GLIS3: variants seen among roughly 807,000 people sequenced by gnomAD.
GLIS3 encodes the protein GLIS family zinc finger 3, also known as zinc finger protein GLIS3.
Under a neutral mutation model 78.6 loss-of-function variants are expected in GLIS3, and 53 were observed. That is an observed-to-expected ratio of 0.67 (90% CI 0.54 to 0.85). The LOEUF is 0.85. Ranked by LOEUF, GLIS3 falls within the 40% of genes least tolerant of loss-of-function variation. The pLI is 0.00. For missense variants in GLIS3, 1,703 were observed against 1,231.1 expected, an observed-to-expected ratio of 1.38 and a Z score of -5.74; for synonymous variants, 684 against 509.9, an observed-to-expected ratio of 1.34 and a Z score of -4.60.
At chr9:4,063,397 T>C (rs1416529976) in intron 4 of GLIS3, among the ~76,000 whole-genome samples, 1 of 152,076 alleles carries the variant, frequency 6.6e-6, no homozygotes, top group Non-Finnish European at 1.5e-5. Flanking sequence ...TGAAACCACA[T>C]CCTACCACCA....
At chr9:4,355,245 C>G in the GLIS3 span, among the ~76,000 whole-genome samples, 1 of 152,134 alleles carries the variant, frequency 6.6e-6, no homozygotes, top group Non-Finnish European at 1.5e-5. Context: ...CCAAAGCAAA[C>G]TCTGCCACTT....
chr9:4,152,216 CT>C (rs1834738166), intron 2 of GLIS3: 1 of 638,402 alleles, frequency 1.6e-6, no homozygotes, highest in Non-Finnish European at 2.0e-6. Context: ...AAAGGAAGAA[CT>C]TTCTAGAAAT....
intron 2 of GLIS3, among the ~76,000 whole-genome samples, chr9:4,265,135 G>A (rs565695286): frequency 1.9e-4 from 28 of 144,066 alleles, no homozygotes; most frequent in Non-Finnish European, 2.8e-4. Context: ...TCACGCCACT[G>A]CACTCCAAAC....
intron 2 of GLIS3, among the ~76,000 whole-genome samples, chr9:4,240,831 T>A (rs1823234569): frequency 6.6e-6 from 1 of 152,008 alleles, no homozygotes; most frequent in Non-Finnish European, 1.5e-5. Context: ...GTAACAAACC[T>A]GCACATGTAC....
chr9:3,865,326 C>T (rs975845554), intron 8 of GLIS3, among the ~76,000 whole-genome samples: 3 of 152,158 alleles, frequency 2.0e-5, no homozygotes, highest in Non-Finnish European at 4.4e-5. Flanking sequence ...ACTGTCGCTA[C>T]GTGGGAAAGG....
chr9:3,840,215 T>C (rs1393666115), intron 9 of GLIS3, among the ~76,000 whole-genome samples: 1 of 152,150 alleles, frequency 6.6e-6, no homozygotes, highest in Non-Finnish European at 1.5e-5. Context: ...TATGTAGAGG[T>C]TCTGTGTAAC....
At chr9:4,311,663 C>T (rs181428190) in intron 2 of GLIS3, among the ~76,000 whole-genome samples, 1 of 152,208 alleles carries the variant, frequency 6.6e-6, no homozygotes, top group Admixed American at 6.5e-5. Context: ...TGGCCCTGAC[C>T]CTCCTGCATC....
At chr9:3,904,279 C>A (rs902948749) in intron 6 of GLIS3, among the ~76,000 whole-genome samples, 1 of 152,152 alleles carries the variant, frequency 6.6e-6, no homozygotes, top group African/African-American at 2.4e-5. Context: ...ACAATCTGGG[C>A]AAGACTCATC....
chr9:4,409,838 G>A, the GLIS3 span, among the ~76,000 whole-genome samples: 1 of 152,186 alleles, frequency 6.6e-6, no homozygotes, highest in African/African-American at 2.4e-5. Flanking sequence ...GCTTGTTATT[G>A]GCTAGTTCCA....
At chr9:4,314,802 G>A (rs1371470357) in intron 2 of GLIS3, among the ~76,000 whole-genome samples, 1 of 152,216 alleles carries the variant, frequency 6.6e-6, no homozygotes, top group Non-Finnish European at 1.5e-5. Context: ...CTGTCCCTGA[G>A]CCTTCATAGG....
At chr9:3,872,559 C>T (rs925108627) in intron 8 of GLIS3, among the ~76,000 whole-genome samples, 1 of 152,162 alleles carries the variant, frequency 6.6e-6, no homozygotes, top group African/African-American at 2.4e-5. Flanking sequence ...GAGGAAGACA[C>T]AAAGGTGAAA....
chr9:4,028,624 C>T (rs1426048028), intron 4 of GLIS3, among the ~76,000 whole-genome samples: 1 of 152,190 alleles, frequency 6.6e-6, no homozygotes, highest in Non-Finnish European at 1.5e-5. Context: ...CCAGGAGCCC[C>T]TTGTGCCCAA....
chr9:4,249,337 C>T (rs1049624738), intron 2 of GLIS3, among the ~76,000 whole-genome samples: 16 of 152,180 alleles, frequency 1.1e-4, no homozygotes, highest in Non-Finnish European at 2.1e-4. Flanking sequence ...AGATCCTTCA[C>T]ATCCCTTCTA....
chr9:4,488,916 G>A, the GLIS3 span, among the ~76,000 whole-genome samples: 1 of 151,508 alleles, frequency 6.6e-6, no homozygotes, highest in Non-Finnish European at 1.5e-5. Context: ...GCCTAGGCTG[G>A]AGCGCAGTGG....
chr9:4,159,792 T>C lies in GLIS3; in HGVS notation c.389-33851A>G, dbSNP rs1016832078. On this transcript the variant is annotated intron_variant, in intron 2 of 10. Coordinates refer to ENST00000381971, the MANE Select transcript of GLIS3 (RefSeq NM_001042413.2). The stretch of plus-strand genomic sequence containing the variant: ...GTGCTTGGGGGTTGGCCCACATAGT[T>C]CCACAGATCTCTCTTGTGACCAACA... Among the ~76,000 whole-genome samples, 6 of 152,002 alleles carry C rather than the reference T, an allele frequency of 3.9e-5. No homozygotes were observed. In the South Asian group the frequency reaches 1.0e-3, roughly 26 times the overall value.
intron 4 of GLIS3, among the ~76,000 whole-genome samples, chr9:4,058,488 C>A (rs1447705609): frequency 6.6e-6 from 1 of 151,568 alleles, no homozygotes; most frequent in East Asian, 1.9e-4. Flanking sequence ...CTCAAATTTC[C>A]CATCTATTCC....
At chr9:4,037,006 G>GGT (rs1824370948) in intron 4 of GLIS3, among the ~76,000 whole-genome samples, 1 of 152,038 alleles carries the variant, frequency 6.6e-6, no homozygotes, top group Admixed American at 6.6e-5. Context: ...TGAAGACAGG[G>GGT]GTGTCCATGT....
intron 9 of GLIS3, among the ~76,000 whole-genome samples, chr9:3,840,677 T>G (rs1290202328): frequency 6.6e-6 from 1 of 152,230 alleles, no homozygotes. Context: ...AGTTGACCAC[T>G]GGAGCAACCG....
intron 2 of GLIS3, among the ~76,000 whole-genome samples, chr9:4,236,204 A>AAAAAAAAAAAAAAAAAAAAAAAAAAAAAG (rs536737911): frequency 6.9e-5 from 6 of 86,340 alleles, no homozygotes; most frequent in Non-Finnish European, 8.5e-5. Flanking sequence ...AAAAAAAAAA[A>AAAAAAAAAAAAAAAAAAAAAAAAAAAAAG]AAAGAAAGAA....
Sources: allele counts gnomAD v4.1 joint callset (sites outside exome capture counted in the v4.1 genomes callset), GRCh38; gene constraint gnomAD v4.1.1; transcripts MANE v1.5; gene names NCBI Gene and HGNC (gene_info 2026-07-23, HGNC 2026-07-21).